Variants in LRBA observed in about 807,000 individuals in gnomAD.
LRBA encodes the protein LPS responsive beige-like anchor protein, also known as lipopolysaccharide-responsive and beige-like anchor protein.
Under a neutral mutation model 330.0 loss-of-function variants are expected in LRBA, and 176 were observed. The ratio of observed to expected loss-of-function variants is 0.53; its 90% confidence interval spans 0.47 to 0.60. LRBA has a LOEUF of 0.60. Among genes scored for constraint, LRBA ranks in the 20% least tolerant of loss-of-function variants. The pLI is 0.00. For missense variants in LRBA, 3,259 were observed against 3,444.8 expected (o/e 0.95, Z 1.35); for synonymous variants, 1,230 against 1,193.0 (o/e 1.03, Z -0.64).
chr4:150,631,197 T>G (rs966656391), intron 37 of LRBA, among the ~76,000 whole-genome samples: 4 of 151,432 alleles, frequency 2.6e-5, no homozygotes, highest in African/African-American at 7.3e-5. Flanking sequence ...AAAAAAAAAG[T>G]AAATGCAGAG....
At chr4:150,379,689 G>A (rs1474075600) in intron 47 of LRBA, among the ~76,000 whole-genome samples, 2 of 152,184 alleles carry the variant, frequency 1.3e-5, no homozygotes, top group South Asian at 4.1e-4. Flanking sequence ...AATGAATAGT[G>A]CTATTTTCTT....
At chr4:150,617,708 C>T (rs373695600) in intron 37 of LRBA, among the ~76,000 whole-genome samples, 1 of 152,100 alleles carries the variant, frequency 6.6e-6, no homozygotes, top group Non-Finnish European at 1.5e-5. Flanking sequence ...TCCTATATTC[C>T]GCCTGAGGTA....
At chr4:150,375,030 C>A (rs949840828) in intron 47 of LRBA, among the ~76,000 whole-genome samples, 1 of 152,112 alleles carries the variant, frequency 6.6e-6, no homozygotes, top group African/African-American at 2.4e-5. Context: ...TTTTGAGAAA[C>A]CTGCAGGCTT....
intron 36 of LRBA, among the ~76,000 whole-genome samples, chr4:150,730,406 G>C (rs1050568202): frequency 3.3e-5 from 5 of 152,140 alleles, no homozygotes; most frequent in Admixed American, 3.3e-4. Context: ...GTTCAGGCCG[G>C]GTGCAGTGGC....
intron 40 of LRBA, among the ~76,000 whole-genome samples, chr4:150,568,231 A>C (rs945623234): frequency 2.6e-5 from 4 of 152,128 alleles, no homozygotes; most frequent in African/African-American, 9.7e-5. Context: ...CCAATGATAG[A>C]TGTAAGAAAG....
chr4:150,888,318 C>A (rs910244328), intron 17 of LRBA, among the ~76,000 whole-genome samples: 1 of 152,114 alleles, frequency 6.6e-6, no homozygotes, highest in Non-Finnish European at 1.5e-5. Flanking sequence ...AAAGGAAGTT[C>A]TTCAAGAATA....
At chr4:150,720,450 G>A (rs1474046652) in intron 36 of LRBA, among the ~76,000 whole-genome samples, 1 of 151,672 alleles carries the variant, frequency 6.6e-6, no homozygotes, top group Non-Finnish European at 1.5e-5. Flanking sequence ...ACAAAATTAG[G>A]AACAAAACAT....
chr4:150,298,492 T>C (rs1484025563), intron 53 of LRBA, among the ~76,000 whole-genome samples: 3 of 152,068 alleles, frequency 2.0e-5, no homozygotes, highest in African/African-American at 7.2e-5. Flanking sequence ...CTTAAGTGAT[T>C]GATGAGCGTA....
chr4:150,515,461 G>C (rs1179277678), intron 40 of LRBA, among the ~76,000 whole-genome samples: 1 of 152,126 alleles, frequency 6.6e-6, no homozygotes, highest in Non-Finnish European at 1.5e-5. Context: ...ATGTGATCTG[G>C]GGTCAGTCAT....
At chr4:150,932,495 TTTGA>T (rs142742335) in intron 2 of LRBA, among the ~76,000 whole-genome samples, 3,402 of 152,250 alleles carry the variant, frequency 0.022, 110 homozygotes, top group African/African-American at 0.077. Context: ...TTTTTACATA[TTTGA>T]TTGACAAATT....
At chr4:150,537,325 T>G (rs1332338469) in intron 40 of LRBA, among the ~76,000 whole-genome samples, 1 of 151,942 alleles carries the variant, frequency 6.6e-6, no homozygotes, top group Non-Finnish European at 1.5e-5. Flanking sequence ...AAAAATTAAC[T>G]CAAGATAGAT....
At chr4:150,601,616 GA>G (rs1440565075) in intron 37 of LRBA, among the ~76,000 whole-genome samples, 1 of 152,052 alleles carries the variant, frequency 6.6e-6, no homozygotes, top group African/African-American at 2.4e-5. Context: ...TCACATAATA[GA>G]AATGAAAGTT....
chr4:150,693,880 T>C (rs1242473993), intron 36 of LRBA, among the ~76,000 whole-genome samples: 1 of 152,130 alleles, frequency 6.6e-6, no homozygotes, highest in Non-Finnish European at 1.5e-5. Context: ...TAAGTTCTTG[T>C]TAAGTTTTGA....
intron 4 of LRBA, among the ~76,000 whole-genome samples, chr4:150,925,955 T>C (rs190850282): frequency 1.5e-3 from 233 of 152,268 alleles, no homozygotes; most frequent in African/African-American, 3.0e-3. Context: ...AAGAGGTAGC[T>C]CAAGACTGTG....
chr4:150,310,683 T>G, intron 51 of LRBA: 1 of 241,130 alleles, frequency 4.1e-6, no homozygotes, highest in Non-Finnish European at 8.0e-6. Flanking sequence ...CAAACTAGAT[T>G]ACAATCTCCA....
intron 13 of LRBA, among the ~76,000 whole-genome samples, chr4:150,900,866 C>T (rs1730644988): frequency 6.6e-6 from 1 of 152,112 alleles, no homozygotes; most frequent in African/African-American, 2.4e-5. Flanking sequence ...AAGGATTCTA[C>T]TAATCTCATT....
At chr4:150,488,057 A>C (rs1049968062) in intron 41 of LRBA, among the ~76,000 whole-genome samples, 4 of 151,668 alleles carry the variant, frequency 2.6e-5, no homozygotes, top group Non-Finnish European at 4.4e-5. Context: ...GCTTTCCTAA[A>C]TACTATTAGG....
At chr4:150,740,725 A>G (rs1731842134) in intron 35 of LRBA, among the ~76,000 whole-genome samples, 2 of 152,036 alleles carry the variant, frequency 1.3e-5, no homozygotes, top group Non-Finnish European at 2.9e-5. Context: ...AAAGATATCA[A>G]TTCTCCACAA....
At chr4:150,940,164 G>A (rs554092927) in intron 2 of LRBA, among the ~76,000 whole-genome samples, 22 of 151,906 alleles carry the variant, frequency 1.4e-4, no homozygotes, top group Non-Finnish European at 2.8e-4. Flanking sequence ...AGTACTTTGG[G>A]AGGCTGAGGC....
Sources: allele counts gnomAD v4.1 joint callset (sites outside exome capture counted in the v4.1 genomes callset), GRCh38; gene constraint gnomAD v4.1.1; transcripts MANE v1.5; gene names NCBI Gene and HGNC (gene_info 2026-07-23, HGNC 2026-07-21).